Variants in IRAK1BP1 observed in about 807,000 individuals in gnomAD.
The protein encoded by IRAK1BP1 is interleukin 1 receptor associated kinase 1 binding protein 1.
Under a neutral mutation model 28.0 loss-of-function variants are expected in IRAK1BP1, and 24 were observed. The ratio of observed to expected loss-of-function variants is 0.86; its 90% CI spans 0.62 to 1.20. IRAK1BP1 has a LOEUF of 1.20. IRAK1BP1 is among the 50% of genes most tolerant of loss of function. The pLI is 0.00. For missense variants in IRAK1BP1, 336 were observed against 316.7 expected, an observed-to-expected ratio of 1.06 and a Z score of -0.46; for synonymous variants, 131 against 116.3, an observed-to-expected ratio of 1.13 and a Z score of -0.81.
intron 1 of IRAK1BP1, 46 bp downstream of exon 1, chr6:78,867,937 G>T (rs1222163680): frequency 6.7e-7 from 1 of 1,490,858 alleles, no homozygotes; most frequent in Admixed American, 2.3e-5. Flanking sequence ...AGACACAAAA[G>T]GGTTGGCAGA....
At chr6:78,952,014 T>C in the IRAK1BP1 span, among the ~76,000 whole-genome samples, 1 of 152,268 alleles carries the variant, frequency 6.6e-6, no homozygotes, top group African/African-American at 2.4e-5. Flanking sequence ...TTTCAATATT[T>C]TCTTTTTGAC....
chr6:78,871,980 G>T, intron 1 of IRAK1BP1: 1 of 526,010 alleles, frequency 1.9e-6, no homozygotes, highest in Non-Finnish European at 3.4e-6. Context: ...TCCACTCTCT[G>T]CAAATGGGGC....
the IRAK1BP1 span, chr6:78,970,148 C>A: frequency 6.2e-7 from 1 of 1,611,788 alleles, no homozygotes; most frequent in Non-Finnish European, 8.5e-7. Flanking sequence ...ATACTTTATG[C>A]CAACTATTTT....
At chr6:78,894,918 G>A (rs1322227081) in intron 2 of IRAK1BP1, among the ~76,000 whole-genome samples, 1 of 152,024 alleles carries the variant, frequency 6.6e-6, no homozygotes, top group Non-Finnish European at 1.5e-5. Flanking sequence ...AGACCAGCCT[G>A]GCCAACATGG....
At chr6:78,913,079 T>TA (rs1361308220) in intron 4 of IRAK1BP1, among the ~76,000 whole-genome samples, 4 of 152,198 alleles carry the variant, frequency 2.6e-5, no homozygotes, top group Non-Finnish European at 4.4e-5. Context: ...CTCACGCCTG[T>TA]AATCCCAGCA....
At chr6:78,949,693 T>G (rs115035824), downstream of IRAK1BP1, among the ~76,000 whole-genome samples, 37 of 152,078 alleles carry the variant, frequency 2.4e-4, 1 homozygote, top group Non-Finnish European at 4.0e-4. Flanking sequence ...TTACTTTTTT[T>G]TTTTTGTTGT....
chr6:78,903,764 A>G (rs1414962385), downstream of IRAK1BP1, among the ~76,000 whole-genome samples: 1 of 152,052 alleles, frequency 6.6e-6, no homozygotes, highest in Non-Finnish European at 1.5e-5. Flanking sequence ...TCAGAATAAG[A>G]CACTTTTTCA....
In IRAK1BP1 at chr6:78,935,087, T is replaced by C. The variant is rs569583425; in HGVS notation, c.*68-10321T>C. Among the ~76,000 whole-genome samples, 6 of 152,290 alleles carry C rather than the reference T, an allele frequency of 3.9e-5. No individual in the cohort carries two copies. The South Asian group carries it at 1.2e-3, about 32-fold the overall frequency. On this transcript the variant is annotated intron_variant and NMD_transcript_variant, in intron 4 of 4. Transcript: ENST00000606868. ...TCCTGGGTCATAAAATTGGTATTAT[T>C]ACAAAAGAGAAATAAGTAAAGAGTG...
chr6:78,896,095 C>T (rs1238742750), intron 2 of IRAK1BP1, among the ~76,000 whole-genome samples: 1 of 152,078 alleles, frequency 6.6e-6, no homozygotes, highest in Non-Finnish European at 1.5e-5. Flanking sequence ...TAAAGAGGAC[C>T]TAAATAAATG....
chr6:78,934,388 G>C (rs543795307), intron 4 of IRAK1BP1, among the ~76,000 whole-genome samples: 2 of 152,348 alleles, frequency 1.3e-5, no homozygotes, highest in Admixed American at 6.5e-5. Context: ...CCAGTTATCT[G>C]CAAAGTGCAA....
chr6:78,918,068 C>T (rs760663723), intron 4 of IRAK1BP1, among the ~76,000 whole-genome samples: 5 of 152,268 alleles, frequency 3.3e-5, no homozygotes, highest in Non-Finnish European at 5.9e-5. Flanking sequence ...ATCAAAACCT[C>T]ACATATCTTG....
chr6:78,911,542 A>G (rs1022875758), intron 4 of IRAK1BP1, among the ~76,000 whole-genome samples: 1 of 152,306 alleles, frequency 6.6e-6, no homozygotes, highest in South Asian at 2.1e-4. Context: ...TGGATGATTT[A>G]CTCGCCTTTA....
chr6:78,882,500 A>G (rs1771264354), intron 1 of IRAK1BP1, among the ~76,000 whole-genome samples: 1 of 152,190 alleles, frequency 6.6e-6, no homozygotes, highest in Non-Finnish European at 1.5e-5. Flanking sequence ...TGTGGATACC[A>G]TGTACTGCCT....
At chr6:78,912,595 A>T (rs895337490) in intron 4 of IRAK1BP1, among the ~76,000 whole-genome samples, 2 of 152,176 alleles carry the variant, frequency 1.3e-5, no homozygotes, top group African/African-American at 4.8e-5. Context: ...GATACAAAGG[A>T]ACTACAGGAA....
the IRAK1BP1 span, chr6:78,970,904 A>G: frequency 2.6e-6 from 4 of 1,538,948 alleles, no homozygotes; most frequent in Non-Finnish European, 3.6e-6. Flanking sequence ...AAATAAAGTC[A>G]TAATCTTACA....
chr6:78,914,461 A>G (rs1455540234), intron 4 of IRAK1BP1, among the ~76,000 whole-genome samples: 1 of 152,260 alleles, frequency 6.6e-6, no homozygotes, highest in African/African-American at 2.4e-5. Flanking sequence ...ATATGAGGAA[A>G]AAAGAAATGA....
At chr6:78,973,918 T>A in the IRAK1BP1 span, among the ~76,000 whole-genome samples, 2 of 151,538 alleles carry the variant, frequency 1.3e-5, no homozygotes, top group East Asian at 1.9e-4. Flanking sequence ...CTCCCACACA[T>A]TAATAATGGG....
intron 4 of IRAK1BP1, among the ~76,000 whole-genome samples, chr6:78,912,961 C>T (rs1772465703): frequency 6.6e-6 from 1 of 152,076 alleles, no homozygotes; most frequent in Non-Finnish European, 1.5e-5. Context: ...CATAAGGGAT[C>T]TATAAGCATA....
chr6:78,942,825 T>C (rs1773573508), intron 4 of IRAK1BP1, among the ~76,000 whole-genome samples: 2 of 152,214 alleles, frequency 1.3e-5, no homozygotes, highest in Admixed American at 6.5e-5. Flanking sequence ...TGTATGGATA[T>C]GTTTATGTAC....
Sources: gnomAD v4.1 joint callset for allele counts (sites outside exome capture counted in the v4.1 genomes callset) on GRCh38, gnomAD v4.1.1 for gene constraint, MANE v1.5 for transcripts, NCBI Gene and HGNC (gene_info 2026-07-23, HGNC 2026-07-21) for gene names.